Variants in EEFSEC observed in about 807,000 individuals in gnomAD.
EEFSEC encodes the protein eukaryotic elongation factor, selenocysteine-tRNA specific.
Under a neutral mutation model 42.1 loss-of-function variants are expected in EEFSEC, and 43 were observed. That is an observed-to-expected ratio of 1.02 (90% CI 0.80 to 1.32). The LOEUF (loss-of-function observed/expected upper bound fraction) is 1.32. Ranked by LOEUF, EEFSEC falls within the 40% of genes most tolerant of loss-of-function variation. The pLI is 0.00. For missense variants in EEFSEC, 745 were observed against 803.6 expected (o/e 0.93, Z 0.88); for synonymous variants, 354 against 339.1 (o/e 1.04, Z -0.48).
At chr3:128,384,687 G>T (rs1043411145) in intron 6 of EEFSEC, among the ~76,000 whole-genome samples, 9 of 152,174 alleles carry the variant, frequency 5.9e-5, no homozygotes, top group African/African-American at 2.2e-4. Context: ...CACGTCCAAG[G>T]TCAAGAACTC....
chr3:128,198,402 CAA>C (rs1010842954), intron 1 of EEFSEC, among the ~76,000 whole-genome samples: 1 of 152,142 alleles, frequency 6.6e-6, no homozygotes, highest in Non-Finnish European at 1.5e-5. Context: ...TGTCTAAAAG[CAA>C]AAGTCCCAAG....
At chr3:128,166,823 A>G (rs2065246358) in intron 1 of EEFSEC, among the ~76,000 whole-genome samples, 1 of 151,736 alleles carries the variant, frequency 6.6e-6, no homozygotes, top group South Asian at 2.1e-4. Flanking sequence ...TCCCATCACC[A>G]CAGCTGCGAC....
intron 6 of EEFSEC, among the ~76,000 whole-genome samples, chr3:128,389,429 T>A (rs1324092496): frequency 6.6e-6 from 1 of 152,242 alleles, no homozygotes; most frequent in African/African-American, 2.4e-5. Context: ...GGTTGCCATA[T>A]GAGGACTCCA....
chr3:128,395,441 T>A (rs2067969612), intron 6 of EEFSEC, among the ~76,000 whole-genome samples: 1 of 152,212 alleles, frequency 6.6e-6, no homozygotes, highest in African/African-American at 2.4e-5. Flanking sequence ...CTCCTCTGAA[T>A]GCCCGGGTGT....
intron 2 of EEFSEC, among the ~76,000 whole-genome samples, chr3:128,248,830 G>T (rs984535803): frequency 1.4e-4 from 21 of 152,190 alleles, no homozygotes; most frequent in Admixed American, 6.5e-5. Flanking sequence ...TCATTTGCTT[G>T]TGAAAATTAC....
chr3:128,274,570 G>C (rs2066447320), intron 4 of EEFSEC, among the ~76,000 whole-genome samples: 1 of 152,212 alleles, frequency 6.6e-6, no homozygotes, highest in African/African-American at 2.4e-5. Context: ...GGCCCAGGGT[G>C]GCCTTGGGAC....
intron 5 of EEFSEC, among the ~76,000 whole-genome samples, chr3:128,355,987 C>T (rs1302660540): frequency 2.6e-5 from 4 of 152,224 alleles, no homozygotes. Flanking sequence ...GGGCCAGGCC[C>T]TGCTGGGCAC....
At position 128,260,038 on chromosome 3, in the gene EEFSEC, G is replaced by A. The variant is rs574748691; in HGVS notation, c.525-2090G>A. ...TCTGTTCTTTTTGGATATATATCTAGGAGTGGAATAGCTGGATCATGTGGT... is the reference window on the plus strand; with the variant it reads ...TCTGTTCTTTTTGGATATATATCTAAGAGTGGAATAGCTGGATCATGTGGT... On this transcript the variant is annotated intron_variant, in intron 2 of 6. Coordinates refer to ENST00000254730, the MANE Select transcript of EEFSEC (RefSeq NM_021937.5). Among the ~76,000 whole-genome samples, 45 of 152,212 alleles carry A rather than the reference G, an allele frequency of 3.0e-4. No individual in the cohort carries two copies. The South Asian group carries it at 8.9e-3, about 30-fold the overall frequency.
chr3:128,163,938 GAA>G (rs34767342), intron 1 of EEFSEC, among the ~76,000 whole-genome samples: 1 of 124,168 alleles, frequency 8.1e-6, no homozygotes, highest in Admixed American at 8.4e-5. Flanking sequence ...ATTTTTTTGT[GAA>G]AAAAAAAAAA....
chr3:128,166,344 G>A (rs2065242421), intron 1 of EEFSEC, among the ~76,000 whole-genome samples: 1 of 152,218 alleles, frequency 6.6e-6, no homozygotes, highest in South Asian at 2.1e-4. Flanking sequence ...TGATAGGAAT[G>A]TTCTACAGTG....
At chr3:128,215,907 G>A (rs115329116) in intron 1 of EEFSEC, among the ~76,000 whole-genome samples, 1,706 of 152,198 alleles carry the variant, frequency 0.011, 23 homozygotes, top group African/African-American at 0.039. Flanking sequence ...AGACTGAGTG[G>A]CCAGCTCTAG....
At chr3:128,219,621 A>G (rs1449516694) in intron 1 of EEFSEC, among the ~76,000 whole-genome samples, 1 of 152,176 alleles carries the variant, frequency 6.6e-6, no homozygotes, top group Non-Finnish European at 1.5e-5. Context: ...TTTTCTGTGC[A>G]GCTTTTATCT....
chr3:128,356,456 C>T (rs1409600267), intron 5 of EEFSEC, among the ~76,000 whole-genome samples: 1 of 152,148 alleles, frequency 6.6e-6, no homozygotes, highest in Non-Finnish European at 1.5e-5. Flanking sequence ...GGACAGAGGG[C>T]TGCAATTGTC....
At chr3:128,265,987 C>G (rs964731496) in intron 4 of EEFSEC, among the ~76,000 whole-genome samples, 3 of 152,124 alleles carry the variant, frequency 2.0e-5, no homozygotes, top group African/African-American at 4.8e-5. Flanking sequence ...ATTATAAAAC[C>G]TGGCAAGTCC....
intron 5 of EEFSEC, among the ~76,000 whole-genome samples, chr3:128,352,874 C>T (rs2067405474): frequency 6.6e-6 from 1 of 152,390 alleles, no homozygotes; most frequent in Admixed American, 6.5e-5. Context: ...TGCCTAGGCA[C>T]CCAGACTTGG....
At position 128,389,339 on chromosome 3, in the gene EEFSEC, C is replaced by T. The variant is rs532643999; in HGVS notation, c.1601-18730C>T. The stretch of plus-strand genomic sequence containing the variant: ...GCATAACAGGACACAGGAGGTCATC[C>T]GATGTCCACATTTCCCCACACAGAG... On this transcript the variant is annotated intron_variant, in intron 6 of 6. Coordinates refer to ENST00000254730, the MANE Select transcript of EEFSEC (RefSeq NM_021937.5). 4.6e-5 allele frequency among the ~76,000 whole-genome samples: 7 copies of T among 152,318 alleles called. No homozygotes were observed. In the East Asian group the frequency reaches 5.8e-4, roughly 13 times the overall value.
intron 1 of EEFSEC, among the ~76,000 whole-genome samples, chr3:128,217,113 C>T (rs1490939226): frequency 1.3e-5 from 2 of 152,192 alleles, no homozygotes; most frequent in East Asian, 3.8e-4. Flanking sequence ...TTTAATCTCA[C>T]CTCTGTAGAT....
intron 6 of EEFSEC, among the ~76,000 whole-genome samples, chr3:128,397,062 T>A (rs1311502035): frequency 1.3e-5 from 2 of 152,058 alleles, no homozygotes; most frequent in South Asian, 2.1e-4. Context: ...GCCCTGGAAG[T>A]GTTTGGAGAC....
At chr3:128,256,467 T>C (rs1273036938) in intron 2 of EEFSEC, among the ~76,000 whole-genome samples, 1 of 152,180 alleles carries the variant, frequency 6.6e-6, no homozygotes, top group Admixed American at 6.5e-5. Flanking sequence ...CAATAAAAGC[T>C]GTTACAGAAG....
Sources: gnomAD v4.1 joint callset for allele counts (sites outside exome capture counted in the v4.1 genomes callset) on GRCh38, gnomAD v4.1.1 for gene constraint, MANE v1.5 for transcripts, NCBI Gene and HGNC (gene_info 2026-07-23, HGNC 2026-07-21) for gene names.